The following VIPR2 variants were observed in gnomAD, a reference collection of about 807,000 sequenced individuals.
VIPR2 encodes vasoactive intestinal polypeptide receptor 2.
A neutral mutation model predicts 58.0 loss-of-function variants in VIPR2; 48 were observed. The ratio of observed to expected loss-of-function variants is 0.83; its 90% CI spans 0.66 to 1.05. The LOEUF (loss-of-function observed/expected upper bound fraction) is 1.05. VIPR2 is among the 50% of genes least tolerant of loss of function. The pLI, the probability that VIPR2 is intolerant of heterozygous loss-of-function variation, is 0.00. For synonymous variants in VIPR2, 243 were observed against 235.2 expected, an observed-to-expected ratio of 1.03 and a Z score of -0.30; for missense variants, 534 against 558.0, an observed-to-expected ratio of 0.96 and a Z score of 0.43.
intron 2 of VIPR2, among the ~76,000 whole-genome samples, chr7:159,139,174 G>A (rs144095707): frequency 0.016 from 2,493 of 152,272 alleles, 77 homozygotes; most frequent in African/African-American, 0.056. Flanking sequence ...TTCTTTCTGA[G>A]GATGTTTGTA....
intron 2 of VIPR2, among the ~76,000 whole-genome samples, chr7:159,135,004 G>GTTTTTTTTTTTTTTTTTT (rs747914292): frequency 1.7e-4 from 11 of 65,964 alleles, no homozygotes; most frequent in East Asian, 4.9e-4. Context: ...AATTACAAAA[G>GTTTTTTTTTTTTTTTTTT]TTTTTTTTTT....
chr7:159,133,778 T>C (rs1198304241), intron 2 of VIPR2, among the ~76,000 whole-genome samples: 1 of 152,224 alleles, frequency 6.6e-6, no homozygotes, highest in Non-Finnish European at 1.5e-5. Flanking sequence ...ATTAGGTGCT[T>C]GTAAAAATTA....
intron 4 of VIPR2, among the ~76,000 whole-genome samples, chr7:159,101,712 C>G (rs1299645261): frequency 6.8e-6 from 1 of 147,160 alleles, no homozygotes; most frequent in African/African-American, 2.6e-5. Context: ...GCGGTTCCGA[C>G]TGTTCCTGTG....
chr7:159,115,832 C>T (rs1409912345), intron 2 of VIPR2, among the ~76,000 whole-genome samples: 1 of 152,270 alleles, frequency 6.6e-6, no homozygotes, highest in African/African-American at 2.4e-5. Context: ...GCCCTTCTCA[C>T]CTCCGATTCC....
At chr7:159,054,816 T>C (rs763103750) in intron 5 of VIPR2, among the ~76,000 whole-genome samples, 8 of 152,248 alleles carry the variant, frequency 5.3e-5, no homozygotes, top group Non-Finnish European at 8.8e-5. Context: ...TTATGGGGTA[T>C]ACTTTGATGC....
At chr7:159,064,921 C>A (rs985750488) in intron 4 of VIPR2, among the ~76,000 whole-genome samples, 6 of 152,130 alleles carry the variant, frequency 3.9e-5, no homozygotes, top group African/African-American at 1.4e-4. Flanking sequence ...TTTGCAGGGG[C>A]CTGATGTTCC....
chr7:159,136,647 C>T (rs558955247), intron 2 of VIPR2, among the ~76,000 whole-genome samples: 1 of 152,172 alleles, frequency 6.6e-6, no homozygotes, highest in African/African-American at 2.4e-5. Context: ...TGACCCAGGT[C>T]TCTGAGCCTC....
At chr7:159,036,071 G>A (rs1207809214) in intron 7 of VIPR2, 59 bp from the exon 8 acceptor site, 1 of 1,550,684 alleles carries the variant, frequency 6.4e-7, no homozygotes, top group African/African-American at 1.4e-5. Flanking sequence ...CACACAGGTG[G>A]GTGCCTTCAC....
intron 1 of VIPR2, chr7:159,144,347 C>G (rs1585584095): frequency 6.5e-7 from 1 of 1,537,052 alleles, no homozygotes; most frequent in Non-Finnish European, 8.8e-7. Context: ...ACGCCAACCC[C>G]GATCTCCCCG....
intron 3 of VIPR2, among the ~76,000 whole-genome samples, chr7:159,107,698 T>G (rs1324028779): frequency 6.6e-6 from 1 of 151,972 alleles, no homozygotes; most frequent in Admixed American, 6.6e-5. Flanking sequence ...CTGGAACTGC[T>G]GCAGGGCAGG....
chr7:159,072,594 A>G lies in VIPR2; in HGVS notation c.358-14016T>C, dbSNP rs192974955. Among the ~76,000 whole-genome samples the G allele has an allele frequency of 7.8e-3, 1,184 of 152,356 alleles. 14 individuals are homozygous for G. Among genetic ancestry groups the G allele is most frequent in the Middle Eastern group, 0.041 (12 of 292 alleles). On this transcript the variant is annotated intron_variant, in intron 4 of 12. Coordinates refer to ENST00000262178, the MANE Select transcript of VIPR2 (RefSeq NM_003382.5). ...AAGAGCACAAAAACGAAAGACACAG[A>G]AAGTTACCTCCTTCCTGGACGACAG...
At chr7:159,084,831 C>T (rs1488617825) in intron 4 of VIPR2, among the ~76,000 whole-genome samples, 2 of 152,198 alleles carry the variant, frequency 1.3e-5, no homozygotes, top group Non-Finnish European at 2.9e-5. Flanking sequence ...CCTTAGAAGT[C>T]GAAGGCTGGA....
intron 4 of VIPR2, among the ~76,000 whole-genome samples, chr7:159,066,266 C>T (rs1210501639): frequency 1.3e-5 from 2 of 151,930 alleles, no homozygotes; most frequent in Non-Finnish European, 2.9e-5. Context: ...CCTGTTCCTT[C>T]ACTGTCCGTG....
At chr7:159,091,675 C>T (rs1329830818) in intron 4 of VIPR2, among the ~76,000 whole-genome samples, 1 of 152,184 alleles carries the variant, frequency 6.6e-6, no homozygotes, top group Admixed American at 6.5e-5. Flanking sequence ...GCCTGGCCTC[C>T]TCCTGTGGTT....
At chr7:159,088,244 C>T (rs1424662139) in intron 4 of VIPR2, among the ~76,000 whole-genome samples, 1 of 152,228 alleles carries the variant, frequency 6.6e-6, no homozygotes, top group Non-Finnish European at 1.5e-5. Flanking sequence ...CTGGTACATC[C>T]ACACACATGC....
chr7:159,129,387 C>T (rs1353738026), intron 2 of VIPR2, among the ~76,000 whole-genome samples: 1 of 90,584 alleles, frequency 1.1e-5, no homozygotes, highest in Admixed American at 1.0e-4. Flanking sequence ...CTCAAACTGG[C>T]CTCTGGCGGG....
At chr7:159,132,623 CA>C (rs1230520805) in intron 2 of VIPR2, among the ~76,000 whole-genome samples, 1 of 152,270 alleles carries the variant, frequency 6.6e-6, no homozygotes, top group African/African-American at 2.4e-5. Context: ...GGGTGCAGCT[CA>C]GGGGGATGAC....
At position 159,043,018 on chromosome 7, in the gene VIPR2, G is replaced by A. The variant is rs1440262909; in HGVS notation, c.597+17C>T. The A allele has an allele frequency of 6.2e-7, 1 of 1,612,802 alleles. No homozygotes were observed. ...AAGGGACAAGACAGTGGGACCCTGT[G>A]GTGGGGACAGCCTTACCCAGGAGGA... On this transcript the variant is annotated intron_variant, in intron 6 of 12. Transcript: ENST00000262178.
At chr7:159,036,488 C>T (rs1008004456) in intron 7 of VIPR2, among the ~76,000 whole-genome samples, 2 of 152,060 alleles carry the variant, frequency 1.3e-5, no homozygotes, top group Admixed American at 6.6e-5. Context: ...AGGAGGAAAC[C>T]GTTTTGTTAC....
Sources: allele counts gnomAD v4.1 joint callset (sites outside exome capture counted in the v4.1 genomes callset), GRCh38; gene constraint gnomAD v4.1.1; transcripts MANE v1.5; gene names NCBI Gene and HGNC (gene_info 2026-07-23, HGNC 2026-07-21).